Variants in BRINP3 observed in about 807,000 individuals in gnomAD.
BRINP3 encodes BMP/retinoic acid-inducible neural-specific protein 3.
In BRINP3, 19 loss-of-function variants were observed where a neutral mutation model predicts 71.0. The ratio of observed to expected loss-of-function variants is 0.27; its 90% CI spans 0.19 to 0.39. The LOEUF is 0.39. Among genes scored for constraint, BRINP3 ranks in the 10% least tolerant of loss-of-function variants. The pLI is 1.00. For missense variants in BRINP3, 959 were observed against 940.8 expected (o/e 1.02, Z -0.25); for synonymous variants, 380 against 337.7 (o/e 1.13, Z -1.37).
chr1:190,262,034 C>A (rs1661226600), intron 4 of BRINP3, among the ~76,000 whole-genome samples: 1 of 152,130 alleles, frequency 6.6e-6, no homozygotes, highest in South Asian at 2.1e-4. Context: ...AAGGGGGACA[C>A]CTTTTACCTG....
At chr1:190,445,326 A>T (rs1675137629) in intron 2 of BRINP3, among the ~76,000 whole-genome samples, 1 of 152,134 alleles carries the variant, frequency 6.6e-6, no homozygotes, top group South Asian at 2.1e-4. Context: ...TTCATTCACA[A>T]GTGCTTATTA....
chr1:190,441,422 A>C (rs1219284384), intron 2 of BRINP3, among the ~76,000 whole-genome samples: 1 of 152,070 alleles, frequency 6.6e-6, no homozygotes, highest in Non-Finnish European at 1.5e-5. Flanking sequence ...AAATGTGCTA[A>C]AAGAAAATGG....
At chr1:190,199,925 C>A (rs1654853328) in intron 6 of BRINP3, among the ~76,000 whole-genome samples, 1 of 151,912 alleles carries the variant, frequency 6.6e-6, no homozygotes, top group African/African-American at 2.4e-5. Context: ...TATGTGACAA[C>A]TACCTGAATT....
At chr1:190,215,457 A>G (rs1052022928) in intron 6 of BRINP3, among the ~76,000 whole-genome samples, 6 of 151,934 alleles carry the variant, frequency 3.9e-5, no homozygotes, top group African/African-American at 1.4e-4. Flanking sequence ...GGATATACTT[A>G]TTTTCCCTAG....
chr1:190,440,575 G>A (rs1339351338), intron 2 of BRINP3, among the ~76,000 whole-genome samples: 1 of 151,876 alleles, frequency 6.6e-6, no homozygotes, highest in African/African-American at 2.4e-5. Flanking sequence ...AGAATTCCCT[G>A]TCATCTTCAT....
chr1:190,189,134 C>T (rs78126974), intron 6 of BRINP3, among the ~76,000 whole-genome samples: 12 of 152,170 alleles, frequency 7.9e-5, no homozygotes, highest in African/African-American at 2.9e-4. Flanking sequence ...CCTGGATTTG[C>T]TATAAGGATG....
In BRINP3 at chr1:190,454,755, A is replaced by T. The variant is rs141008199; in HGVS notation, c.136T>A (p.Trp46Arg). 2.5e-6 allele frequency: 4 copies of T among 1,614,184 alleles called. No homozygotes were observed. In the South Asian group the frequency reaches 4.4e-5, roughly 18 times the overall value. Residue 46 changes from tryptophan to arginine, a missense_variant, in exon 2 of 8, where the codon TGG (tryptophan) becomes AGG (arginine). Coordinates refer to ENST00000367462, the MANE Select transcript of BRINP3 (RefSeq NM_199051.3). ...SDQHATSPFD[W>R]LLSDKGPFHR... ...AAGGGTCCCTTATCAGAGAGGAGCCAGTCGAAGGGGCTTGTGGCATGCTGA... is the reference window on the plus strand; with the variant it reads ...AAGGGTCCCTTATCAGAGAGGAGCCTGTCGAAGGGGCTTGTGGCATGCTGA...
chr1:190,431,709 C>A (rs1401819999), intron 2 of BRINP3, among the ~76,000 whole-genome samples: 1 of 151,990 alleles, frequency 6.6e-6, no homozygotes, highest in African/African-American at 2.4e-5. Context: ...GAAGATTTCA[C>A]TTCAAATGAA....
rs191267245 is a variant in BRINP3 at position 190,204,707 on chromosome 1, C to A, written c.961+21375G>T. ...ATAGAATCTCTAATATATTTTCTAA[C>A]ATTAAATATTGTGATACTATGAGAG... On this transcript the variant is annotated intron_variant, in intron 6 of 7. Transcript: ENST00000367462. Among the ~76,000 whole-genome samples, 30 of 152,002 alleles carry A rather than the reference C, an allele frequency of 2.0e-4. 1 individual carries two copies. In the East Asian group the frequency reaches 5.6e-3, roughly 29 times the overall value.
At chr1:190,377,306 T>A (rs1670245986) in intron 2 of BRINP3, among the ~76,000 whole-genome samples, 1 of 151,828 alleles carries the variant, frequency 6.6e-6, no homozygotes, top group Non-Finnish European at 1.5e-5. Context: ...TTTAATCCCT[T>A]TAGACCGTTT....
intron 2 of BRINP3, among the ~76,000 whole-genome samples, chr1:190,445,082 G>C (rs1675119805): frequency 6.6e-6 from 1 of 151,888 alleles, no homozygotes; most frequent in Non-Finnish European, 1.5e-5. Context: ...TCCTAAGGCA[G>C]ATTATGGAAT....
chr1:190,101,380 A>G (rs1010223054), intron 7 of BRINP3, among the ~76,000 whole-genome samples: 3 of 152,134 alleles, frequency 2.0e-5, no homozygotes, highest in Non-Finnish European at 2.9e-5. Context: ...ACCACAGAAT[A>G]TATGTGCAAA....
chr1:190,345,484 T>C (rs1667956080), intron 2 of BRINP3, among the ~76,000 whole-genome samples: 1 of 151,638 alleles, frequency 6.6e-6, no homozygotes, highest in Admixed American at 6.6e-5. Context: ...TGCTTGGAAA[T>C]ACAATATTAT....
intron 2 of BRINP3, among the ~76,000 whole-genome samples, chr1:190,438,389 A>G (rs910054722): frequency 1.3e-5 from 2 of 151,662 alleles, no homozygotes; most frequent in African/African-American, 2.4e-5. Flanking sequence ...ATCTCTCATC[A>G]CTTCTCTCGA....
chr1:190,114,438 G>T (rs1030547546), intron 7 of BRINP3, among the ~76,000 whole-genome samples: 2 of 151,908 alleles, frequency 1.3e-5, no homozygotes, highest in Non-Finnish European at 2.9e-5. Flanking sequence ...TAACTATAAA[G>T]TCTGTTAGTC....
chr1:190,430,482 G>A (rs1674021673), intron 2 of BRINP3, among the ~76,000 whole-genome samples: 1 of 152,140 alleles, frequency 6.6e-6, no homozygotes, highest in Non-Finnish European at 1.5e-5. Flanking sequence ...TCTTTGCACT[G>A]AGGTAAGATT....
At chr1:190,447,226 C>G (rs893776845) in intron 2 of BRINP3, among the ~76,000 whole-genome samples, 2 of 149,894 alleles carry the variant, frequency 1.3e-5, no homozygotes, top group Middle Eastern at 7.1e-3. Flanking sequence ...ATTTCAATCT[C>G]TTTTCCTTTT....
intron 1 of BRINP3, among the ~76,000 whole-genome samples, chr1:190,456,011 G>T (rs1675959966): frequency 6.6e-6 from 1 of 152,066 alleles, no homozygotes; most frequent in African/African-American, 2.4e-5. Context: ...CAAAGATTCT[G>T]ACTAATGAGA....
chr1:190,154,849 T>C (rs1297659697), intron 7 of BRINP3, among the ~76,000 whole-genome samples: 1 of 152,112 alleles, frequency 6.6e-6, no homozygotes, highest in Non-Finnish European at 1.5e-5. Flanking sequence ...TTACTTGACA[T>C]AGTTTGACAG....
Sources: allele counts gnomAD v4.1 joint callset (sites outside exome capture counted in the v4.1 genomes callset), GRCh38; gene constraint gnomAD v4.1.1; transcripts MANE v1.5; gene names NCBI Gene and HGNC (gene_info 2026-07-23, HGNC 2026-07-21).